The following TENM3 variants were observed in gnomAD, a reference collection of about 807,000 sequenced individuals.
TENM3 encodes the protein teneurin transmembrane protein 3, also known as teneurin-3.
TENM3 carries 63 observed loss-of-function variants against 255.1 expected under a neutral mutation model. That is an observed-to-expected ratio of 0.25 (90% CI 0.20 to 0.30). The LOEUF is 0.30. Ranked by LOEUF, TENM3 falls within the 10% of genes least tolerant of loss-of-function variation. The pLI is 1.00. For synonymous variants in TENM3, 1,306 were observed against 1,322.3 expected (o/e 0.99, Z 0.27); for missense variants, 2,929 against 3,461.1 (o/e 0.85, Z 3.86).
chr4:181,753,473 G>T, the TENM3 span, among the ~76,000 whole-genome samples: 1 of 151,860 alleles, frequency 6.6e-6, no homozygotes, highest in Non-Finnish European at 1.5e-5. Flanking sequence ...TCTGGCTAGT[G>T]GTCTAGTTAA....
chr4:181,978,373 G>A, the TENM3 span, among the ~76,000 whole-genome samples: 1 of 152,166 alleles, frequency 6.6e-6, no homozygotes. Context: ...AGGGGGCTGG[G>A]CGTGGTGGCT....
chr4:181,957,642 G>A, the TENM3 span, among the ~76,000 whole-genome samples: 1 of 152,140 alleles, frequency 6.6e-6, no homozygotes, highest in Non-Finnish European at 1.5e-5. Flanking sequence ...TTACAATGGT[G>A]ATGGGCCACC....
At chr4:182,174,546 A>G (rs888738209) in intron 1 of TENM3, among the ~76,000 whole-genome samples, 12 of 151,118 alleles carry the variant, frequency 7.9e-5, no homozygotes, top group African/African-American at 2.7e-4. Flanking sequence ...ACACACTTTA[A>G]CAGGGAGGTT....
At chr4:182,731,906 T>C (rs969472754) in intron 16 of TENM3, among the ~76,000 whole-genome samples, 5 of 152,026 alleles carry the variant, frequency 3.3e-5, no homozygotes, top group East Asian at 1.9e-4. Flanking sequence ...CTCAGACTCC[T>C]GAGTAGCTGA....
At chr4:181,695,231 G>A in the TENM3 span, among the ~76,000 whole-genome samples, 2 of 152,050 alleles carry the variant, frequency 1.3e-5, no homozygotes, top group East Asian at 3.9e-4. Flanking sequence ...TGTCTTGGAA[G>A]GACACATAGC....
chr4:181,631,084 G>T, the TENM3 span, among the ~76,000 whole-genome samples: 2 of 152,084 alleles, frequency 1.3e-5, no homozygotes, highest in African/African-American at 4.8e-5. Context: ...AGACTTAACT[G>T]GGAAACAACT....
rs187905724 is a variant in TENM3 at position 182,350,723 on chromosome 4, C to A, written c.511+3794C>A. 4.3e-3 allele frequency among the ~76,000 whole-genome samples: 651 copies of A among 152,274 alleles called. 9 individuals are homozygous for A. The highest frequency in any genetic ancestry group is 0.015 in the African/African-American group (637 of 41,566). On this transcript the variant is annotated intron_variant, in intron 3 of 27. Coordinates refer to ENST00000511685, the MANE Select transcript of TENM3 (RefSeq NM_001080477.4). ...GTTTTTTGAGACAGTCTTGCTCTGT[C>A]GCCCAGGCTGGAGTGCAGTGGCGTA...
At chr4:181,746,443 G>A in the TENM3 span, among the ~76,000 whole-genome samples, 138 of 152,214 alleles carry the variant, frequency 9.1e-4, no homozygotes, top group African/African-American at 3.0e-3. Context: ...ATGGCCTGGG[G>A]GGTCTGCAGA....
intron 6 of TENM3, among the ~76,000 whole-genome samples, chr4:182,658,419 T>A (rs1319822022): frequency 6.6e-6 from 1 of 152,194 alleles, no homozygotes; most frequent in Non-Finnish European, 1.5e-5. Context: ...ACATTCTCTG[T>A]GCTTCCTAAC....
intron 3 of TENM3, among the ~76,000 whole-genome samples, chr4:182,482,515 A>G (rs1469131454): frequency 6.6e-6 from 1 of 152,166 alleles, no homozygotes; most frequent in East Asian, 1.9e-4. Context: ...AATATGATTA[A>G]ATTTTGGCAT....
the TENM3 span, among the ~76,000 whole-genome samples, chr4:181,943,567 C>A: frequency 6.6e-6 from 1 of 152,090 alleles, no homozygotes; most frequent in African/African-American, 2.4e-5. Flanking sequence ...GTGGTGTATG[C>A]AAGCTGTTAT....
At chr4:181,764,698 CTT>C in the TENM3 span, among the ~76,000 whole-genome samples, 1 of 151,994 alleles carries the variant, frequency 6.6e-6, no homozygotes, top group Non-Finnish European at 1.5e-5. Flanking sequence ...TTGTTGTTTG[CTT>C]TTTTTGTTTG....
chr4:182,429,688 G>T (rs1009880494), intron 3 of TENM3, among the ~76,000 whole-genome samples: 2 of 152,096 alleles, frequency 1.3e-5, no homozygotes, highest in African/African-American at 4.8e-5. Context: ...GAATCCAGTG[G>T]TCATCTAACA....
chr4:181,761,814 A>T, the TENM3 span, among the ~76,000 whole-genome samples: 1 of 152,212 alleles, frequency 6.6e-6, no homozygotes, highest in Non-Finnish European at 1.5e-5. Context: ...TGTCAAGCAC[A>T]TTGCCTGGCA....
the TENM3 span, among the ~76,000 whole-genome samples, chr4:181,656,222 G>T: frequency 6.6e-6 from 1 of 152,126 alleles, no homozygotes; most frequent in Non-Finnish European, 1.5e-5. Flanking sequence ...GATGGGAAAT[G>T]GAGCCCCAGG....
rs2309768 is a variant in TENM3 at position 182,738,564 on chromosome 4, T to C, written c.3379+20T>C. ...AGAACGGTAAGCTCTTGTTCATAGA[T>C]AACTGATGTTGTAATGTATTGTTCA... is the stretch of plus-strand genomic sequence containing the variant. On this transcript the variant is annotated intron_variant, in intron 18 of 27. Coordinates refer to ENST00000511685, the MANE Select transcript of TENM3 (RefSeq NM_001080477.4). 2,155 of 1,596,748 alleles carry C rather than the reference T, an allele frequency of 1.3e-3. 26 individuals are homozygous for C. In the African/African-American group the frequency reaches 0.026, roughly 19 times the overall value.
At chr4:182,620,323 G>T (rs1045134352) in intron 4 of TENM3, among the ~76,000 whole-genome samples, 2 of 152,106 alleles carry the variant, frequency 1.3e-5, no homozygotes, top group Admixed American at 1.3e-4. Context: ...CTTGAGAACG[G>T]GTAAAAAGAA....
chr4:182,683,800 T>C (rs1756359144), intron 11 of TENM3, among the ~76,000 whole-genome samples: 1 of 152,040 alleles, frequency 6.6e-6, no homozygotes, highest in African/African-American at 2.4e-5. Context: ...AGAGACAAGC[T>C]GGAGGACTTT....
intron 3 of TENM3, among the ~76,000 whole-genome samples, chr4:182,403,368 A>G (rs1251319408): frequency 6.6e-6 from 1 of 152,262 alleles, no homozygotes; most frequent in Non-Finnish European, 1.5e-5. Context: ...CATCTGTTTT[A>G]GAAGACCTCT....
Sources: allele counts gnomAD v4.1 joint callset (sites outside exome capture counted in the v4.1 genomes callset), GRCh38; gene constraint gnomAD v4.1.1; transcripts MANE v1.5; gene names NCBI Gene and HGNC (gene_info 2026-07-23, HGNC 2026-07-21).